Variants in TANC2 observed in about 807,000 individuals in gnomAD.
The protein encoded by TANC2 is tetratricopeptide repeat, ankyrin repeat and coiled-coil containing 2, also known as protein TANC2.
A neutral mutation model predicts 210.5 loss-of-function variants in TANC2; 26 were observed. That is an observed-to-expected ratio of 0.12 (90% confidence interval 0.09 to 0.17). The LOEUF is 0.17. Ranked by LOEUF, TANC2 falls within the 10% of genes least tolerant of loss-of-function variation. TANC2 has a pLI of 1.00. For missense variants in TANC2, 2,129 were observed against 2,608.9 expected (o/e 0.82, Z 4.01); for synonymous variants, 931 against 967.1 (o/e 0.96, Z 0.69).
At chr17:63,362,593 A>G (rs982968316) in intron 14 of TANC2, among the ~76,000 whole-genome samples, 2 of 152,090 alleles carry the variant, frequency 1.3e-5, no homozygotes, top group African/African-American at 4.8e-5. Context: ...CCTCCCTCCC[A>G]TGCTCGTCAG....
chr17:63,139,283 C>T (rs1228152754), intron 4 of TANC2, among the ~76,000 whole-genome samples: 1 of 152,094 alleles, frequency 6.6e-6, no homozygotes, highest in Admixed American at 6.5e-5. Flanking sequence ...TTGCTTATAA[C>T]TCAACACAAA....
intron 2 of TANC2, among the ~76,000 whole-genome samples, chr17:63,066,510 A>G (rs1262446055): frequency 6.6e-6 from 1 of 152,118 alleles, no homozygotes; most frequent in Non-Finnish European, 1.5e-5. Flanking sequence ...AGATATCTAC[A>G]GTGGAAGCCC....
At chr17:63,187,398 G>A (rs1434276016) in intron 5 of TANC2, among the ~76,000 whole-genome samples, 2 of 152,128 alleles carry the variant, frequency 1.3e-5, no homozygotes, top group African/African-American at 2.4e-5. Context: ...AAATGCTTAG[G>A]AATAGTACCT....
At chr17:63,406,694 G>A (rs1418524556) in intron 21 of TANC2, among the ~76,000 whole-genome samples, 1 of 152,158 alleles carries the variant, frequency 6.6e-6, no homozygotes, top group Admixed American at 6.5e-5. Context: ...ATGCTATTTG[G>A]GGGATCAAGA....
chr17:63,413,733 G>T, intron 25 of TANC2, 99 bp downstream of exon 25: 10 of 1,095,362 alleles, frequency 9.1e-6, no homozygotes, highest in Non-Finnish European at 1.2e-5. Context: ...CCTTTGCGTA[G>T]AGGCAAAGGG....
Position 63,420,681 on chromosome 17 carries a change from G to C in TANC2, c.4951G>C (p.Glu1651Gln). 6.2e-7 allele frequency: 1 copy of C among 1,613,770 alleles called. No homozygotes were observed. Among genetic ancestry groups the C allele is most frequent in the Non-Finnish European group, 8.5e-7 (1 of 1,179,772 alleles). ...TGGTTCACCCGTGCGCTATCAGCAG[G>C]AAACAAGCGTCAGTCAGCTTCCTGG... The change falls in exon 28 of 28, where the codon GAA (glutamate) becomes CAA (glutamine). Residue 1651 changes from glutamate to glutamine, a missense_variant. Glu to Gln is a conservative substitution (Grantham distance 29, BLOSUM62 2). This residue lies in a region of TANC2 where 584 missense variants were observed against 627.3 expected (regional missense o/e 0.93). Coordinates refer to ENST00000689528, the Ensembl canonical transcript of TANC2. This position sits in a 1 kb window ranked among gnomAD's most constrained non-coding sequence, Gnocchi z 4.2.
chr17:63,055,960 T>C (rs1379510307), intron 2 of TANC2, among the ~76,000 whole-genome samples: 2 of 66,722 alleles, frequency 3.0e-5, no homozygotes, highest in South Asian at 5.7e-4. Context: ...AGACCTCATC[T>C]CTACCAAAAA....
At chr17:63,043,897 C>T (rs1488906977) in intron 2 of TANC2, among the ~76,000 whole-genome samples, 1 of 152,074 alleles carries the variant, frequency 6.6e-6, no homozygotes, top group Non-Finnish European at 1.5e-5. Context: ...TTTCTGTACT[C>T]CCCAAAATGG....
intron 1 of TANC2, among the ~76,000 whole-genome samples, chr17:62,977,113 A>G (rs62076587): frequency 6.6e-6 from 1 of 152,020 alleles, no homozygotes; most frequent in South Asian, 2.1e-4. Context: ...GAGAGAATTA[A>G]ATTTATGTTC....
chr17:63,339,596 G>A (rs1020421012), intron 11 of TANC2, among the ~76,000 whole-genome samples: 2 of 152,090 alleles, frequency 1.3e-5, no homozygotes, highest in African/African-American at 4.8e-5. Flanking sequence ...TTTAAAATCT[G>A]AATTACTTTA....
At chr17:63,132,961 TAGC>T (rs1371766352) in intron 4 of TANC2, among the ~76,000 whole-genome samples, 2 of 152,154 alleles carry the variant, frequency 1.3e-5, no homozygotes, top group African/African-American at 4.8e-5. Flanking sequence ...ATGCAAATAG[TAGC>T]AGGGGTTTTT....
intron 3 of TANC2, among the ~76,000 whole-genome samples, chr17:63,094,304 C>T (rs960052609): frequency 3.9e-5 from 6 of 152,020 alleles, no homozygotes; most frequent in African/African-American, 9.7e-5. Context: ...AGTGATGATA[C>T]GAGCTCTGAG....
intron 14 of TANC2, among the ~76,000 whole-genome samples, chr17:63,364,801 A>T: frequency 6.6e-6 from 1 of 152,030 alleles, no homozygotes; most frequent in Non-Finnish European, 1.5e-5. Flanking sequence ...AAAAAAAAAA[A>T]TTACAGAACA....
In TANC2 at chr17:63,099,368, T is replaced by C. The variant is rs774003159; in HGVS notation, c.322+11T>C. 2.7e-6 allele frequency: 4 copies of C among 1,482,302 alleles called. No homozygotes were observed. Among genetic ancestry groups the C allele is most frequent in the East Asian group, 2.5e-5 (1 of 39,844 alleles). 91.8% of individuals were successfully genotyped at this position (1,482,302 alleles called of 1,614,324 possible). Reference sequence around the variant, plus strand: ...TGAAGAAGTTAACTGGTAAGGACTTTACCTAAATTTAGTATGTTTAACAGG... The same window carrying C: ...TGAAGAAGTTAACTGGTAAGGACTTCACCTAAATTTAGTATGTTTAACAGG... On this transcript the variant is annotated intron_variant, in intron 4 of 27. Coordinates refer to ENST00000689528, the Ensembl canonical transcript of TANC2.
chr17:63,070,447 G>A (rs1222659679), intron 2 of TANC2, among the ~76,000 whole-genome samples: 5 of 152,122 alleles, frequency 3.3e-5, no homozygotes, highest in Non-Finnish European at 5.9e-5. Flanking sequence ...ACTTTCAATG[G>A]CCCCTAGGCC....
At chr17:63,170,434 T>TAAA (rs761783557) in intron 5 of TANC2, among the ~76,000 whole-genome samples, 2 of 133,192 alleles carry the variant, frequency 1.5e-5, no homozygotes, top group African/African-American at 2.8e-5. Context: ...AGATTCCATT[T>TAAA]AAAAAAAAAA....
At chr17:63,385,908 A>G (rs1047597629) in intron 15 of TANC2, among the ~76,000 whole-genome samples, 5 of 152,180 alleles carry the variant, frequency 3.3e-5, no homozygotes, top group Non-Finnish European at 5.9e-5. Context: ...CCAAAGGTCT[A>G]CTCTGCTAGG....
At chr17:63,050,314 G>A (rs1001551052) in intron 2 of TANC2, among the ~76,000 whole-genome samples, 3 of 150,494 alleles carry the variant, frequency 2.0e-5, no homozygotes, top group Non-Finnish European at 4.4e-5. Flanking sequence ...CCGTGATCAT[G>A]CCCCAGCACT....
chr17:63,412,651 C>T lies in TANC2; in HGVS notation c.3899-29C>T. On this transcript the variant is annotated intron_variant, in intron 23 of 27. Coordinates refer to ENST00000689528, the Ensembl canonical transcript of TANC2. The surrounding 1 kb of genome is among the most constrained non-coding windows in gnomAD (Gnocchi z 4.2). ...TCATCCATTTTTTTTTCCTCTCCTA[C>T]AACTTTTTGTTTTCTCCTTTCTTTG... The T allele has an allele frequency of 6.7e-7, 1 of 1,494,520 alleles. No individual in the cohort carries two copies. Among genetic ancestry groups the T allele is most frequent in the Admixed American group, 2.0e-5 (1 of 50,038 alleles). The allele number at this position is 1,494,520 out of a possible 1,614,324, so 92.6% of individuals were successfully genotyped here.
Sources: allele counts gnomAD v4.1 joint callset (sites outside exome capture counted in the v4.1 genomes callset), GRCh38; gene constraint gnomAD v4.1.1; regional missense constraint gnomAD v4.1.1; non-coding constraint Gnocchi (gnomAD v3.1); transcripts MANE v1.5; gene names NCBI Gene and HGNC (gene_info 2026-07-23, HGNC 2026-07-21).